NLE1: variants seen among roughly 807,000 people sequenced by gnomAD.
NLE1 encodes the protein notchless homolog 1, also known as notchless protein homolog 1.
Under a neutral mutation model 62.8 loss-of-function variants are expected in NLE1, and 37 were observed. The observed-to-expected ratio is 0.59, with a 90% CI of 0.45 to 0.78. The LOEUF (loss-of-function observed/expected upper bound fraction) is 0.78. Ranked by LOEUF, NLE1 falls within the 30% of genes least tolerant of loss-of-function variation. The pLI, the probability that NLE1 is intolerant of heterozygous loss-of-function variation, is 0.00. For missense variants in NLE1, 555 were observed against 637.9 expected, an observed-to-expected ratio of 0.87 and a Z score of 1.40; for synonymous variants, 243 against 253.0, an observed-to-expected ratio of 0.96 and a Z score of 0.37.
At position 35,139,861 on chromosome 17, in the gene NLE1, C is replaced by T. The variant is rs772945022; in HGVS notation, c.368G>A (p.Ser123Asn). 6.2e-7 allele frequency: 1 copy of T among 1,613,040 alleles called. No homozygotes were observed. Among genetic ancestry groups the T allele is most frequent in the South Asian group, 1.1e-5 (1 of 91,046 alleles). ...HSEAVISVAFSPTGKYLASGS... is the reference protein window; with the variant it reads ...HSEAVISVAFNPTGKYLASGS... ...CAGCTGTCCTTACTTTCCCGTAGGG[C>T]TGAAGGCCACAGAAATGACTGCCTC... The change falls in exon 3 of 13, where the codon AGC becomes AAC. Residue 123 changes from serine (S) to asparagine (N), a missense_variant. Physicochemically the swap from Ser to Asn is conservative, Grantham distance 46. Transcript: ENST00000442241.
intron 2 of NLE1, 129 bp from the exon 3 acceptor site, chr17:35,140,195 C>G (rs528968261): frequency 2.4e-4 from 219 of 903,238 alleles, no homozygotes; most frequent in Admixed American, 1.6e-3. Context: ...AGGGATACCC[C>G]CATCATTGCC....
rs553492478 is a variant in NLE1 at position 35,130,766 on chromosome 17, A to C, written c.*1671T>G. The C allele has an allele frequency of 1.7e-4, 42 of 242,424 alleles. No homozygotes were observed. Among genetic ancestry groups the C allele is most frequent in the Non-Finnish European group, 2.7e-4 (34 of 123,742 alleles). The allele number at this position is 242,424 out of a possible 1,614,324, so 15.0% of individuals were successfully genotyped here. On this transcript the variant is annotated 3_prime_UTR_variant, in exon 13 of 13. Transcript: ENST00000442241. ...TCTGCTTTATGCTGCAGACAGCCTC[A>C]GATGGGCTGGCTGGCACCCACCTCC... is the stretch of plus-strand genomic sequence containing the variant.
Position 35,130,440 on chromosome 17 carries a change from A to G in NLE1, c.*1997T>C. ...AATACCTATTTCCCTGTTAAGGGGG[A>G]GGGCCCCAGGACACCCCTCACCTAC... On this transcript the variant is annotated 3_prime_UTR_variant, in exon 13 of 13. Coordinates refer to ENST00000442241, the MANE Select transcript of NLE1 (RefSeq NM_018096.5). 1.2e-6 allele frequency: 2 copies of G among 1,611,504 alleles called. No homozygotes were observed. The highest frequency in any genetic ancestry group is 1.7e-6 in the Non-Finnish European group (2 of 1,178,816).
Position 35,136,373 on chromosome 17 carries a change from A to G in NLE1, c.953T>C (p.Leu318Pro). 1 of 1,613,266 alleles carries G rather than the reference A, an allele frequency of 6.2e-7. No homozygotes were observed. Among genetic ancestry groups the G allele is most frequent in the Non-Finnish European group, 8.5e-7 (1 of 1,179,274 alleles). Reference protein sequence around the residue: ...PAEASVNPQDLQGSLQELKER... With the variant: ...PAEASVNPQDPQGSLQELKER... ...TCCCAATCACTCACAGGATCCTTGG[A>G]GGTCTTGGGGATTAACTGAGGCCTC... The change falls in exon 8 of 13, where the codon CTC (leucine) becomes CCC (proline). Residue 318 changes from leucine to proline, a missense_variant. Physicochemically the swap from Leu to Pro is moderately conservative, Grantham distance 98. Transcript: ENST00000442241.
At position 35,135,392 on chromosome 17, in the gene NLE1, G is replaced by C; in HGVS notation, c.1071C>G (p.Ser357=). The change falls in exon 10 of 13, where the codon TCC becomes TCG. Residue 357 remains serine, a synonymous_variant. Transcript: ENST00000442241. ...TGAGAGGCTTTTTGTCCTCTGCTGG[G>C]GACCACAGGAATAAGGTGAAGTCGT... ...GSDDFTLFLW[S]PAEDKKPLTR... is the part of the protein sequence containing the mutation. The C allele has an allele frequency of 6.2e-7, 1 of 1,614,168 alleles. No homozygotes were observed. Among genetic ancestry groups the C allele is most frequent in the South Asian group, 1.1e-5 (1 of 91,080 alleles).
intron 12 of NLE1, 129 bp from the exon 13 acceptor site, chr17:35,132,578 TC>T: frequency 1.2e-6 from 1 of 811,976 alleles, no homozygotes; most frequent in Non-Finnish European, 1.7e-6. Context: ...CAGGTGACCG[TC>T]CCTGCTCTGC....
intron 2 of NLE1, among the ~76,000 whole-genome samples, 190 bp from the exon 3 acceptor site, chr17:35,140,256 T>A (rs1007674763): frequency 5.3e-5 from 8 of 152,084 alleles, no homozygotes; most frequent in African/African-American, 1.9e-4. Context: ...GAGACAAGAG[T>A]CTCGCTCTGT....
chr17:35,137,029 C>A lies in NLE1; in HGVS notation c.800G>T (p.Arg267Leu), dbSNP rs745418741. The change falls in exon 7 of 13, where the codon CGC (arginine) becomes CTC (leucine). Residue 267 changes from arginine (R) to leucine (L), a missense_variant. Coordinates refer to ENST00000442241, the MANE Select transcript of NLE1 (RefSeq NM_018096.5). ...ATGAGCTCTCCAGACTTTGATGGTG[C>A]GGTCCTGGGAGGCAGAGTAGAGAAG... ...DGLLYSASQD[R>L]TIKVWRAHDG... 4 of 1,610,922 alleles carry A rather than the reference C, an allele frequency of 2.5e-6. No homozygotes were observed. The highest frequency in any genetic ancestry group is 2.2e-5 in the East Asian group (1 of 44,806).
Position 35,133,418 on chromosome 17 carries a change from C to T in NLE1, c.1295G>A (p.Gly432Asp). 6.2e-7 allele frequency: 1 copy of T among 1,614,152 alleles called. No individual in the cohort carries two copies. The highest frequency in any genetic ancestry group is 8.5e-7 in the Non-Finnish European group (1 of 1,180,046). The change falls in exon 11 of 13, where the codon GGC becomes GAC. Residue 432 changes from glycine (G) to aspartate (D), a missense_variant. By Grantham distance (94) the Gly-to-Asp change is moderately conservative. Transcript: ENST00000442241. ...WSADSRLLVS[G>D]SSDSTLKVWD... ...CACCTTCAGTGTGCTGTCACTGCTG[C>T]CGCTGACCAGGAGCCGACTGTCAGC...
Position 35,129,065 on chromosome 17 carries a change from T to C in NLE1, c.*3372A>G. ...CTGAGCCGTGGGGAGCAGCTGTAAA[T>C]ACAGATGAAGCTTCGCTTGCTCGCC... On this transcript the variant is annotated 3_prime_UTR_variant, in exon 13 of 13. Coordinates refer to ENST00000442241, the MANE Select transcript of NLE1 (RefSeq NM_018096.5). 4.5e-6 allele frequency: 1 copy of C among 224,528 alleles called. No homozygotes were observed. Among genetic ancestry groups the C allele is most frequent in the African/African-American group, 2.2e-5 (1 of 44,924 alleles). 13.9% of individuals were successfully genotyped at this position (224,528 alleles called of 1,614,324 possible).
In NLE1 at chr17:35,139,311, G is replaced by T; in HGVS notation, c.384C>A (p.Tyr128Ter). ...ISVAFSPTGK[Y>*]LASGSGDTTV... ...TGGTGTCTCCAGAGCCACTGGCCAG[G>T]TACCTGGGGAAGAAGAGAGGATGCT... Residue 128 changes from tyrosine (Y) to a stop codon, truncating the protein, a stop_gained, in exon 4 of 13, where the codon TAC becomes TAA. Transcript: ENST00000442241. LOFTEE classifies it high-confidence loss of function. 6.2e-7 allele frequency: 1 copy of T among 1,613,800 alleles called. No individual in the cohort carries two copies. The highest frequency in any genetic ancestry group is 8.5e-7 in the Non-Finnish European group (1 of 1,179,786).
chr17:35,138,083 A>T (rs1326959841), intron 4 of NLE1, among the ~76,000 whole-genome samples, 193 bp from the exon 5 acceptor site: 2 of 152,224 alleles, frequency 1.3e-5, no homozygotes, highest in Non-Finnish European at 2.9e-5. Flanking sequence ...TGCTGCATGG[A>T]TAACACCATC....
At chr17:35,141,308 G>A (rs542598310) in intron 2 of NLE1, among the ~76,000 whole-genome samples, 10 of 152,294 alleles carry the variant, frequency 6.6e-5, no homozygotes, top group African/African-American at 2.4e-4. Context: ...CAGCACTTTG[G>A]AGGCCAAGGC....
Position 35,129,000 on chromosome 17 carries a change from C to T in NLE1, c.*3437G>A. Reference sequence around the variant, plus strand: ...TTCACGTGCCTATGGGAATCTAATGCCTCTGCTGATCTGACAGGAGGCAGA... The same window carrying T: ...TTCACGTGCCTATGGGAATCTAATGTCTCTGCTGATCTGACAGGAGGCAGA... On this transcript the variant is annotated 3_prime_UTR_variant, in exon 13 of 13. Coordinates refer to ENST00000442241, the MANE Select transcript of NLE1 (RefSeq NM_018096.5). The T allele has an allele frequency of 5.6e-6, 1 of 179,828 alleles. No individual in the cohort carries two copies. The highest frequency in any genetic ancestry group is 1.2e-5 in the Non-Finnish European group (1 of 83,660). The allele number at this position is 179,828 out of a possible 1,614,324, so 11.1% of individuals were successfully genotyped here. A position where few individuals can be genotyped will look rare whatever the true frequency, so the allele number is the denominator to read the frequency against.
chr17:35,139,362 C>T, intron 3 of NLE1, 48 bp from the exon 4 acceptor site: 2 of 1,449,782 alleles, frequency 1.4e-6, no homozygotes, highest in Non-Finnish European at 1.9e-6. Flanking sequence ...GCATTTGTGC[C>T]ACCTATTCAA....
At position 35,129,873 on chromosome 17, in the gene NLE1, A is replaced by G; in HGVS notation, c.*2564T>C. On this transcript the variant is annotated 3_prime_UTR_variant, in exon 13 of 13. Coordinates refer to ENST00000442241, the MANE Select transcript of NLE1 (RefSeq NM_018096.5). ...GCCCACTAGGAATGCAAACGAATGT[A>G]TTTTTCAACATCACTATAATGTTCC... 1 of 1,416,060 alleles carries G rather than the reference A, an allele frequency of 7.1e-7. No homozygotes were observed. The highest frequency in any genetic ancestry group is 9.2e-7 in the Non-Finnish European group (1 of 1,088,836). 87.7% of individuals were successfully genotyped at this position (1,416,060 alleles called of 1,614,324 possible).
In NLE1 at chr17:35,129,406, C is replaced by A. The variant is rs550171388; in HGVS notation, c.*3031G>T. ...GGACATATCTGAGGAAGCCTCGGGG[C>A]TCTCTCTTCCCCTAGATTTCCTGGA... On this transcript the variant is annotated 3_prime_UTR_variant, in exon 13 of 13. Coordinates refer to ENST00000442241, the MANE Select transcript of NLE1 (RefSeq NM_018096.5). 6.2e-7 allele frequency: 1 copy of A among 1,610,968 alleles called. No homozygotes were observed. The highest frequency in any genetic ancestry group is 8.5e-7 in the Non-Finnish European group (1 of 1,177,662).
intron 10 of NLE1, 23 bp downstream of exon 10, chr17:35,135,223 GAGA>G: frequency 6.2e-7 from 1 of 1,607,324 alleles, no homozygotes; most frequent in Non-Finnish European, 8.5e-7. Flanking sequence ...ACTCCTTACA[GAGA>G]AGCAGTACCC....
In NLE1 at chr17:35,135,428, C is replaced by T; in HGVS notation, c.1035G>A (p.Val345=). The T allele has an allele frequency of 6.2e-7, 1 of 1,614,118 alleles. No individual in the cohort carries two copies. Among genetic ancestry groups the T allele is most frequent in the Non-Finnish European group, 8.5e-7 (1 of 1,179,994 alleles). ...LVRGQGPERL[V]SGSDDFTLFL... Reference sequence around the variant, plus strand: ...ATAAGGTGAAGTCGTCGGAGCCAGACACCAGCCTCTCTGGACCCTGGCCCT... The same window carrying T: ...ATAAGGTGAAGTCGTCGGAGCCAGATACCAGCCTCTCTGGACCCTGGCCCT... Residue 345 remains valine (V), a synonymous_variant, in exon 10 of 13, where the codon GTG becomes GTA. Coordinates refer to ENST00000442241, the MANE Select transcript of NLE1 (RefSeq NM_018096.5).
Sources: gnomAD v4.1 joint callset for allele counts (sites outside exome capture counted in the v4.1 genomes callset) on GRCh38, gnomAD v4.1.1 for gene constraint, MANE v1.5 for transcripts, NCBI Gene and HGNC (gene_info 2026-07-23, HGNC 2026-07-21) for gene names.